Variants in CNTN5 observed in about 807,000 individuals in gnomAD.
CNTN5 encodes contactin 5.
In CNTN5, 77 loss-of-function variants were observed where a neutral mutation model predicts 129.1. The observed-to-expected ratio is 0.60, with a 90% CI of 0.50 to 0.72. The LOEUF is 0.72. CNTN5 is among the 30% of genes least tolerant of loss of function. The probability of loss-of-function intolerance (pLI) is 0.00; values close to 1 mark genes in which losing one functional copy is unlikely to be tolerated. For missense variants in CNTN5, 1,478 were observed against 1,328.8 expected (o/e 1.11, Z -1.75); for synonymous variants, 509 against 465.6 (o/e 1.09, Z -1.20).
At chr11:99,742,675 A>G (rs1434107101) in intron 3 of CNTN5, among the ~76,000 whole-genome samples, 1 of 152,190 alleles carries the variant, frequency 6.6e-6, no homozygotes, top group Non-Finnish European at 1.5e-5. Context: ...GCAAGATTCC[A>G]TGACAAGTCA....
At chr11:100,239,660 T>A (rs925006526) in intron 16 of CNTN5, among the ~76,000 whole-genome samples, 2 of 152,110 alleles carry the variant, frequency 1.3e-5, no homozygotes, top group African/African-American at 2.4e-5. Context: ...AATAATCAAA[T>A]AAAATAGTCA....
At chr11:99,253,560 GA>G (rs761030017) in intron 1 of CNTN5, among the ~76,000 whole-genome samples, 42 of 151,918 alleles carry the variant, frequency 2.8e-4, no homozygotes, top group East Asian at 2.7e-3. Context: ...TTTCACCTAA[GA>G]TTTTTTTATT....
intron 15 of CNTN5, among the ~76,000 whole-genome samples, chr11:100,198,486 A>G (rs1258421382): frequency 1.3e-5 from 2 of 151,962 alleles, no homozygotes; most frequent in Non-Finnish European, 2.9e-5. Context: ...TATTTGGGGA[A>G]AACATGCTAC....
intron 1 of CNTN5, among the ~76,000 whole-genome samples, chr11:99,252,352 A>G (rs1047173893): frequency 6.6e-6 from 1 of 152,148 alleles, no homozygotes; most frequent in East Asian, 1.9e-4. Context: ...CAAACAAAAA[A>G]CACACAAAAA....
chr11:100,259,465 C>T (rs1349586214), intron 17 of CNTN5, among the ~76,000 whole-genome samples: 2 of 152,150 alleles, frequency 1.3e-5, no homozygotes, highest in African/African-American at 4.8e-5. Flanking sequence ...ATCTACAGAA[C>T]TCTCCACCCC....
chr11:99,296,173 G>T (rs181360406), intron 1 of CNTN5, among the ~76,000 whole-genome samples: 1 of 152,120 alleles, frequency 6.6e-6, no homozygotes, highest in East Asian at 1.9e-4. Context: ...GGGAAAAGTT[G>T]TTCACATCAA....
At chr11:99,357,536 A>G (rs1161248783) in intron 2 of CNTN5, among the ~76,000 whole-genome samples, 1 of 151,704 alleles carries the variant, frequency 6.6e-6, no homozygotes, top group Non-Finnish European at 1.5e-5. Context: ...AATAACTAAC[A>G]CAGCATTGAT....
chr11:100,239,325 A>G (rs1329106716), intron 16 of CNTN5, among the ~76,000 whole-genome samples: 2 of 152,164 alleles, frequency 1.3e-5, no homozygotes, highest in East Asian at 1.9e-4. Context: ...TTCATTCTAG[A>G]TAATATGTGT....
At chr11:99,156,067 G>A (rs1481975985) in intron 1 of CNTN5, among the ~76,000 whole-genome samples, 1 of 151,840 alleles carries the variant, frequency 6.6e-6, no homozygotes, top group Non-Finnish European at 1.5e-5. Context: ...CCAAAACAAT[G>A]CCTAGATACC....
chr11:99,740,959 C>T (rs1038319785), intron 3 of CNTN5, among the ~76,000 whole-genome samples: 3 of 152,114 alleles, frequency 2.0e-5, no homozygotes, highest in African/African-American at 7.2e-5. Flanking sequence ...TATATTACTA[C>T]TATTTATTTT....
intron 6 of CNTN5, among the ~76,000 whole-genome samples, chr11:99,887,524 A>C (rs1034967473): frequency 2.0e-5 from 3 of 152,190 alleles, no homozygotes; most frequent in Non-Finnish European, 4.4e-5. Flanking sequence ...AGGGGAGTTT[A>C]TTAAGGAGTA....
intron 1 of CNTN5, among the ~76,000 whole-genome samples, chr11:99,251,611 T>A (rs1386645805): frequency 6.6e-6 from 1 of 151,984 alleles, no homozygotes; most frequent in Non-Finnish European, 1.5e-5. Flanking sequence ...AAGTATCTCT[T>A]TGGAAATTGC....
chr11:99,729,862 C>T (rs1000651539), intron 3 of CNTN5, among the ~76,000 whole-genome samples: 2 of 151,998 alleles, frequency 1.3e-5, no homozygotes, highest in Non-Finnish European at 2.9e-5. Context: ...AACACATGGA[C>T]ACGGGGAGGG....
chr11:100,346,454 G>T (rs566967100), intron 23 of CNTN5, among the ~76,000 whole-genome samples: 1 of 152,206 alleles, frequency 6.6e-6, no homozygotes, highest in South Asian at 2.1e-4. Flanking sequence ...TTATGCTTGA[G>T]TGAAAGGGAA....
At chr11:99,636,800 G>A (rs1951573490) in intron 3 of CNTN5, among the ~76,000 whole-genome samples, 1 of 151,148 alleles carries the variant, frequency 6.6e-6, no homozygotes, top group Non-Finnish European at 1.5e-5. Context: ...GGATGGACGA[G>A]ATCAGGAGAT....
intron 2 of CNTN5, among the ~76,000 whole-genome samples, chr11:99,437,190 G>C (rs151057577): frequency 6.6e-6 from 1 of 152,252 alleles, no homozygotes; most frequent in Admixed American, 6.5e-5. Flanking sequence ...GGCAAAGAGC[G>C]GTCGCTTACA....
chr11:99,382,077 A>T (rs1032383901), intron 2 of CNTN5, among the ~76,000 whole-genome samples: 23 of 93,906 alleles, frequency 2.4e-4, no homozygotes, highest in African/African-American at 6.2e-4. Context: ...CAAATGCCTC[A>T]GGGAAAAATC....
intron 9 of CNTN5, among the ~76,000 whole-genome samples, chr11:100,014,010 A>G (rs1412933081): frequency 2.0e-5 from 3 of 152,150 alleles, no homozygotes; most frequent in African/African-American, 4.8e-5. Context: ...GAGAACAACA[A>G]ACTTCTCCAC....
intron 1 of CNTN5, among the ~76,000 whole-genome samples, chr11:99,273,157 G>A (rs1863255029): frequency 6.6e-6 from 1 of 151,610 alleles, no homozygotes; most frequent in South Asian, 2.1e-4. Flanking sequence ...TGAGGCGAGC[G>A]GTCTAAATGG....
Sources: allele counts gnomAD v4.1 joint callset (sites outside exome capture counted in the v4.1 genomes callset), GRCh38; gene constraint gnomAD v4.1.1; transcripts MANE v1.5; gene names NCBI Gene and HGNC (gene_info 2026-07-23, HGNC 2026-07-21).